The following NFIX variants were observed in gnomAD, a reference collection of about 807,000 sequenced individuals.
The protein encoded by NFIX is nuclear factor I X, also known as nuclear factor 1 X-type.
A neutral mutation model predicts 53.3 loss-of-function variants in NFIX; 2 were observed. The observed-to-expected ratio is 0.04, with a 90% CI of 0.02 to 0.12. The LOEUF is 0.12. Among genes scored for constraint, NFIX ranks in the 10% least tolerant of loss-of-function variants. The pLI is 1.00. For synonymous variants in NFIX, 244 were observed against 289.0 expected (o/e 0.84, Z 1.58); for missense variants, 310 against 674.5 (o/e 0.46, Z 5.99).
At position 13,090,023 on chromosome 19, in the gene NFIX, G is replaced by A. The variant is rs1046116215; in HGVS notation, c.1403-276G>A. On this transcript the variant is annotated intron_variant, in intron 9 of 10. Transcript: ENST00000592199. This position sits in a 1 kb window ranked among gnomAD's most constrained non-coding sequence, Gnocchi z 6.6. Reference sequence around the variant, plus strand: ...ATCCCAGCTGTGAAAAAGGATGCCTGGCTGAGACTGTGGCTTCTGAGTGGG... The same window carrying A: ...ATCCCAGCTGTGAAAAAGGATGCCTAGCTGAGACTGTGGCTTCTGAGTGGG... Among the ~76,000 whole-genome samples, 1 of 152,190 alleles carries A rather than the reference G, an allele frequency of 6.6e-6. No homozygotes were observed. The highest frequency in any genetic ancestry group is 2.4e-5 in the African/African-American group (1 of 41,440).
intron 6 of NFIX, among the ~76,000 whole-genome samples, chr19:13,076,211 A>G (rs1043291906): frequency 1.3e-5 from 2 of 152,184 alleles, no homozygotes; most frequent in African/African-American, 4.8e-5. Context: ...GATGAGAACC[A>G]CTGGTCTCAA....
intron 1 of NFIX, among the ~76,000 whole-genome samples, chr19:13,020,004 T>C (rs1671887054): frequency 6.6e-6 from 1 of 151,972 alleles, no homozygotes; most frequent in African/African-American, 2.4e-5. Context: ...CATGTCCTTC[T>C]ACTCTGTGGC....
In NFIX at chr19:12,996,153, G is replaced by C. The variant is rs1760648170; in HGVS notation, c.27+289G>C. Among the ~76,000 whole-genome samples the C allele has an allele frequency of 6.6e-6, 1 of 151,256 alleles. No individual in the cohort carries two copies. The highest frequency in any genetic ancestry group is 6.6e-5 in the Admixed American group (1 of 15,214). ...CGGGAGTGCGTGTACGTGTGTGTGTGTGTGTGTGTGTGTGTGTGCGCGCTC... is the reference window on the plus strand; with the variant it reads ...CGGGAGTGCGTGTACGTGTGTGTGTCTGTGTGTGTGTGTGTGTGCGCGCTC... On this transcript the variant is annotated intron_variant, in intron 1 of 10. Transcript: ENST00000592199. This position sits in a 1 kb window ranked among gnomAD's most constrained non-coding sequence, Gnocchi z 5.2.
At chr19:13,033,800 A>G (rs1454856406) in intron 2 of NFIX, among the ~76,000 whole-genome samples, 1 of 152,240 alleles carries the variant, frequency 6.6e-6, no homozygotes, top group African/African-American at 2.4e-5. Context: ...GTAGTGAGGA[A>G]TCAGCAAACC....
At chr19:13,034,872 T>C (rs2014071167) in intron 2 of NFIX, among the ~76,000 whole-genome samples, 1 of 152,158 alleles carries the variant, frequency 6.6e-6, no homozygotes, top group Non-Finnish European at 1.5e-5. Flanking sequence ...AGACAGAGGC[T>C]TACCTCTCAC....
chr19:13,063,169 C>G (rs933255583), intron 2 of NFIX, among the ~76,000 whole-genome samples: 7 of 152,232 alleles, frequency 4.6e-5, no homozygotes, highest in Non-Finnish European at 8.8e-5. Flanking sequence ...GGCAAATAGG[C>G]AGAGAGCTTA....
intron 1 of NFIX, among the ~76,000 whole-genome samples, chr19:13,015,904 C>G (rs1269336659): frequency 6.6e-6 from 1 of 152,194 alleles, no homozygotes; most frequent in Non-Finnish European, 1.5e-5. Flanking sequence ...ACACTCTGCT[C>G]TATAACACGT....
At position 13,093,084 on chromosome 19, in the gene NFIX, C is replaced by T. The variant is rs1490191144; in HGVS notation, c.1495-1551C>T. Among the ~76,000 whole-genome samples, 1 of 152,244 alleles carries T rather than the reference C, an allele frequency of 6.6e-6. No homozygotes were observed. The highest frequency in any genetic ancestry group is 1.9e-4 in the East Asian group (1 of 5,200). On this transcript the variant is annotated intron_variant, in intron 10 of 10. Transcript: ENST00000592199. The surrounding 1 kb of genome is among the most constrained non-coding windows in gnomAD (Gnocchi z 4.7). ...GATCTGCACTGTCCATTGTGGTAGC[C>T]ACGGGCCACGTGTGGCTGTTTACAT...
chr19:13,025,005 G>T lies in NFIX; in HGVS notation c.28-16G>T, dbSNP rs2013212122. On this transcript the variant is annotated splice_polypyrimidine_tract_variant and intron_variant, in intron 1 of 10. Transcript: ENST00000592199. This position sits in a 1 kb window ranked among gnomAD's most constrained non-coding sequence, Gnocchi z 7.5. The stretch of plus-strand genomic sequence containing the variant: ...GTCCTCCCTCGCCCCGCATGCTCCC[G>T]GCTTGCCGCCTGCAGGATGAGTTCC... 4 of 1,577,582 alleles carry T rather than the reference G, an allele frequency of 2.5e-6. No individual in the cohort carries two copies. The highest frequency in any genetic ancestry group is 2.6e-6 in the Non-Finnish European group (3 of 1,162,756).
chr19:13,026,372 A>G (rs1394228682), intron 2 of NFIX, among the ~76,000 whole-genome samples: 1 of 151,630 alleles, frequency 6.6e-6, no homozygotes, highest in Non-Finnish European at 1.5e-5. Context: ...ACAAGCAAAC[A>G]AACAAACCAA....
At position 13,049,393 on chromosome 19, in the gene NFIX, A is replaced by G. The variant is rs888471382; in HGVS notation, c.560-23654A>G. Among the ~76,000 whole-genome samples the G allele has an allele frequency of 4.6e-5, 7 of 152,060 alleles. No individual in the cohort carries two copies. The highest frequency in any genetic ancestry group is 1.0e-4 in the Non-Finnish European group (7 of 68,010). On this transcript the variant is annotated intron_variant, in intron 2 of 10. Coordinates refer to ENST00000592199, the MANE Select transcript of NFIX (RefSeq NM_001365902.3). The surrounding 1 kb of genome is among the most constrained non-coding windows in gnomAD (Gnocchi z 4.5). ...CCATTGCTCCCAAAAGAAACTCCAT[A>G]CCTATTAGTTGTTAGTCCCAATTCC...
At chr19:13,041,411 T>A (rs2014610405) in intron 2 of NFIX, among the ~76,000 whole-genome samples, 1 of 152,238 alleles carries the variant, frequency 6.6e-6, no homozygotes, top group Non-Finnish European at 1.5e-5. Flanking sequence ...ATAACTGCTA[T>A]TAACTTTTGT....
At position 13,081,108 on chromosome 19, in the gene NFIX, A is replaced by G. The variant is rs988582265; in HGVS notation, c.1079-572A>G. ...TGAGCCCAGGAGTTTGAGATTAACCAGGACAATATGGCAAAATCTCATCTC... is the reference window on the plus strand; with the variant it reads ...TGAGCCCAGGAGTTTGAGATTAACCGGGACAATATGGCAAAATCTCATCTC... On this transcript the variant is annotated intron_variant, in intron 7 of 10. Transcript: ENST00000592199. The surrounding 1 kb of genome is among the most constrained non-coding windows in gnomAD (Gnocchi z 4.7). Among the ~76,000 whole-genome samples the G allele has an allele frequency of 2.6e-5, 4 of 151,992 alleles. No homozygotes were observed. Among genetic ancestry groups the G allele is most frequent in the African/African-American group, 9.7e-5 (4 of 41,378 alleles).
rs998615133 is a variant in NFIX at position 13,024,695 on chromosome 19, G to A, written c.28-326G>A. On this transcript the variant is annotated intron_variant, in intron 1 of 10. Coordinates refer to ENST00000592199, the MANE Select transcript of NFIX (RefSeq NM_001365902.3). ...ATACCAGCAGCGTGTGTGTGTGGAC[G>A]GCAACGTTGTCTGTGCGCGTGTGTG... 39 of 1,536,286 alleles carry A rather than the reference G, an allele frequency of 2.5e-5. No individual in the cohort carries two copies. The Admixed American group carries it at 7.3e-4, about 29-fold the overall frequency.
chr19:13,002,530 G>A lies in NFIX; in HGVS notation c.27+6666G>A, dbSNP rs2011768779. ...GGACAGGGCCTGGCAGCCAGAGGGA[G>A]GCAATGGGCAGGGTGACTGAGCTGC... On this transcript the variant is annotated intron_variant, in intron 1 of 10. Transcript: ENST00000592199. The surrounding 1 kb of genome is among the most constrained non-coding windows in gnomAD (Gnocchi z 6.1). Among the ~76,000 whole-genome samples the A allele has an allele frequency of 6.6e-6, 1 of 152,086 alleles. No homozygotes were observed. Among genetic ancestry groups the A allele is most frequent in the Admixed American group, 6.5e-5 (1 of 15,294 alleles).
At position 13,009,445 on chromosome 19, in the gene NFIX, G is replaced by T. The variant is rs551300874; in HGVS notation, c.27+13581G>T. Among the ~76,000 whole-genome samples the T allele has an allele frequency of 6.6e-6, 1 of 152,268 alleles. No individual in the cohort carries two copies. The highest frequency in any genetic ancestry group is 1.5e-5 in the Non-Finnish European group (1 of 68,018). ...GCCAAGGTCATGGGGCTAGAAGCAGGGTGGTGGGGATTACCCAGCCAGATT... is the reference window on the plus strand; with the variant it reads ...GCCAAGGTCATGGGGCTAGAAGCAGTGTGGTGGGGATTACCCAGCCAGATT... On this transcript the variant is annotated intron_variant, in intron 1 of 10. Coordinates refer to ENST00000592199, the MANE Select transcript of NFIX (RefSeq NM_001365902.3). The surrounding 1 kb of genome is among the most constrained non-coding windows in gnomAD (Gnocchi z 4.7).
At chr19:13,019,359 G>A (rs188493513) in intron 1 of NFIX, among the ~76,000 whole-genome samples, 1 of 152,332 alleles carries the variant, frequency 6.6e-6, no homozygotes, top group East Asian at 1.9e-4. Context: ...GGACAGGTCT[G>A]TTGTGTAGAG....
In NFIX at chr19:12,998,888, A is replaced by T. The variant is rs1410096568; in HGVS notation, c.27+3024A>T. The stretch of plus-strand genomic sequence containing the variant: ...TCTTTGACGCACGTATGGACACAGG[A>T]AACTGTGGACTTGTGTTCACAACCA... On this transcript the variant is annotated intron_variant, in intron 1 of 10. Transcript: ENST00000592199. The surrounding 1 kb of genome is among the most constrained non-coding windows in gnomAD (Gnocchi z 4.4). 6.6e-6 allele frequency among the ~76,000 whole-genome samples: 1 copy of T among 152,210 alleles called. No homozygotes were observed. Among genetic ancestry groups the T allele is most frequent in the African/African-American group, 2.4e-5 (1 of 41,444 alleles).
rs2018595312 is a variant in NFIX, at chr19:13,098,445, G to C, written c.*3796G>C. The stretch of plus-strand genomic sequence containing the variant: ...AGGCTAAGAAACGCAGTATATACGA[G>C]TATCTCTATATATAGTACTAATGGA... On this transcript the variant is annotated 3_prime_UTR_variant, in exon 11 of 11. Coordinates refer to ENST00000592199, the MANE Select transcript of NFIX (RefSeq NM_001365902.3). 6.6e-6 allele frequency: 1 copy of C among 152,146 alleles called. No individual in the cohort carries two copies. The highest frequency in any genetic ancestry group is 1.5e-5 in the Non-Finnish European group (1 of 68,040). 9.4% of individuals were successfully genotyped at this position (152,146 alleles called of 1,614,324 possible). A position where few individuals can be genotyped will look rare whatever the true frequency, so the allele number is the denominator to read the frequency against.
Sources: allele counts gnomAD v4.1 joint callset (sites outside exome capture counted in the v4.1 genomes callset), GRCh38; gene constraint gnomAD v4.1.1; non-coding constraint Gnocchi (gnomAD v3.1); transcripts MANE v1.5; gene names NCBI Gene and HGNC (gene_info 2026-07-23, HGNC 2026-07-21).